CDKAL1: variants seen among roughly 807,000 people sequenced by gnomAD.
The protein encoded by CDKAL1 is CDKAL1 threonylcarbamoyladenosine tRNA methylthiotransferase.
Under a neutral mutation model 68.2 loss-of-function variants are expected in CDKAL1, and 32 were observed. The observed-to-expected ratio is 0.47, with a 90% CI of 0.35 to 0.63. CDKAL1 has a LOEUF of 0.63. Ranked by LOEUF, CDKAL1 falls within the 30% of genes least tolerant of loss-of-function variation. The pLI, the probability that CDKAL1 is intolerant of heterozygous loss-of-function variation, is 0.00. For missense variants in CDKAL1, 606 were observed against 696.7 expected (o/e 0.87, Z 1.47); for synonymous variants, 234 against 244.3 (o/e 0.96, Z 0.39).
intron 13 of CDKAL1, among the ~76,000 whole-genome samples, chr6:21,168,257 A>G (rs1388144161): frequency 6.6e-6 from 1 of 152,192 alleles, no homozygotes; most frequent in Non-Finnish European, 1.5e-5. Context: ...CCTCCTCCTG[A>G]GAACCAGATC....
At chr6:21,101,489 A>G (rs893261944) in intron 12 of CDKAL1, among the ~76,000 whole-genome samples, 2 of 152,160 alleles carry the variant, frequency 1.3e-5, no homozygotes, top group African/African-American at 4.8e-5. Context: ...TACATGGCCC[A>G]AGACCAAACA....
intron 9 of CDKAL1, among the ~76,000 whole-genome samples, chr6:20,911,997 T>C (rs1762488267): frequency 6.6e-6 from 1 of 152,180 alleles, no homozygotes; most frequent in African/African-American, 2.4e-5. Context: ...AGATGGGATC[T>C]GACAACTTTC....
intron 8 of CDKAL1, among the ~76,000 whole-genome samples, chr6:20,783,117 A>G (rs943719101): frequency 2.6e-5 from 4 of 152,080 alleles, no homozygotes; most frequent in Admixed American, 6.6e-5. Flanking sequence ...TTTAGTAGAG[A>G]TGGAGTTTCA....
intron 9 of CDKAL1, among the ~76,000 whole-genome samples, chr6:20,937,600 C>G (rs971435582): frequency 1.3e-5 from 2 of 152,212 alleles, no homozygotes; most frequent in African/African-American, 4.8e-5. Context: ...TGGGCCAGGT[C>G]TCCTGTCTTT....
intron 10 of CDKAL1, among the ~76,000 whole-genome samples, chr6:20,984,382 A>G (rs1002624432): frequency 2.0e-5 from 3 of 152,040 alleles, no homozygotes; most frequent in African/African-American, 4.8e-5. Flanking sequence ...GCAGGCAAAA[A>G]TCTCCATGGA....
chr6:20,662,182 C>T (rs975870134), intron 5 of CDKAL1, among the ~76,000 whole-genome samples: 6 of 151,998 alleles, frequency 3.9e-5, no homozygotes, highest in African/African-American at 1.4e-4. Flanking sequence ...TGTTTAATAA[C>T]TGATAATAAG....
Position 20,846,192 on chromosome 6 carries a change from G to A in CDKAL1, c.742+14G>A. The A allele has an allele frequency of 6.8e-7, 1 of 1,473,826 alleles. No homozygotes were observed. Among genetic ancestry groups the A allele is most frequent in the Non-Finnish European group, 9.5e-7 (1 of 1,057,792 alleles). The allele number at this position is 1,473,826 out of a possible 1,614,324, so 91.3% of individuals were successfully genotyped here. On this transcript the variant is annotated intron_variant, in intron 9 of 15. Coordinates refer to ENST00000274695, the MANE Select transcript of CDKAL1 (RefSeq NM_017774.3). The stretch of plus-strand genomic sequence containing the variant: ...AATCTTTTCAAGGTAAGAGTTTCTA[G>A]AATTATATGTGAAATTAGTCTTCTT...
intron 8 of CDKAL1, among the ~76,000 whole-genome samples, chr6:20,802,685 T>G (rs1056268890): frequency 6.6e-6 from 1 of 152,118 alleles, no homozygotes; most frequent in Non-Finnish European, 1.5e-5. Flanking sequence ...TAAAAATGCT[T>G]TGAGTCACAG....
chr6:20,776,081 C>T (rs1199402678), intron 7 of CDKAL1, among the ~76,000 whole-genome samples: 1 of 151,890 alleles, frequency 6.6e-6, no homozygotes, highest in South Asian at 2.1e-4. Flanking sequence ...TACCATCAGG[C>T]AGAGATACTT....
intron 12 of CDKAL1, among the ~76,000 whole-genome samples, chr6:21,096,187 G>T (rs946310045): frequency 6.6e-6 from 1 of 152,178 alleles, no homozygotes; most frequent in East Asian, 1.9e-4. Context: ...TTCAAATGGG[G>T]TGACACCAGG....
intron 4 of CDKAL1, among the ~76,000 whole-genome samples, chr6:20,583,402 A>G (rs1000846056): frequency 6.6e-6 from 1 of 152,236 alleles, no homozygotes; most frequent in African/African-American, 2.4e-5. Context: ...AGATTCTACC[A>G]AATTGACTTT....
chr6:20,542,523 T>A (rs1025651168), intron 2 of CDKAL1, among the ~76,000 whole-genome samples: 1 of 152,228 alleles, frequency 6.6e-6, no homozygotes, highest in African/African-American at 2.4e-5. Context: ...TTGCCTTGTG[T>A]CTGGATATAG....
intron 4 of CDKAL1, among the ~76,000 whole-genome samples, chr6:20,591,927 T>G (rs1340480632): frequency 2.0e-5 from 3 of 152,230 alleles, no homozygotes; most frequent in Non-Finnish European, 4.4e-5. Flanking sequence ...GGTAGCTTGA[T>G]GGAGATAGCA....
chr6:21,052,033 C>G (rs1317129839), intron 11 of CDKAL1, among the ~76,000 whole-genome samples: 2 of 152,178 alleles, frequency 1.3e-5, no homozygotes, highest in African/African-American at 4.8e-5. Context: ...CTTAGTCACT[C>G]ATTATGGCTT....
chr6:20,808,078 A>T (rs1334354212), intron 8 of CDKAL1, among the ~76,000 whole-genome samples: 3 of 152,236 alleles, frequency 2.0e-5, no homozygotes, highest in African/African-American at 4.8e-5. Context: ...GCCATTACTT[A>T]TCTGTGTGAA....
At position 20,846,166 on chromosome 6, in the gene CDKAL1, C is replaced by T; in HGVS notation, c.730C>T (p.Gln244Ter). The change falls in exon 9 of 16, where the codon CAA becomes TAA. Residue 244 changes from glutamine (Q) to a stop codon, truncating the protein, a stop_gained. Coordinates refer to ENST00000274695, the MANE Select transcript of CDKAL1 (RefSeq NM_017774.3). LOFTEE classifies it high-confidence loss of function. ...TGATGAACTAGTAGATAGAGCCAAACAATCTTTTCAAGGTAAGAGTTTCTA... is the reference window on the plus strand; with the variant it reads ...TGATGAACTAGTAGATAGAGCCAAATAATCTTTTCAAGGTAAGAGTTTCTA... ...PIDELVDRAK[Q>*]SFQEGVCEIW... The T allele has an allele frequency of 6.3e-7, 1 of 1,595,594 alleles. No homozygotes were observed. Among genetic ancestry groups the T allele is most frequent in the Non-Finnish European group, 8.6e-7 (1 of 1,165,244 alleles).
chr6:20,868,306 A>T (rs894498529), intron 9 of CDKAL1, among the ~76,000 whole-genome samples: 2 of 152,168 alleles, frequency 1.3e-5, no homozygotes, highest in Non-Finnish European at 2.9e-5. Context: ...CATTGATAAC[A>T]CTAAATTTTC....
At chr6:21,014,493 C>A (rs1157717696) in intron 11 of CDKAL1, among the ~76,000 whole-genome samples, 1 of 152,000 alleles carries the variant, frequency 6.6e-6, no homozygotes, top group East Asian at 1.9e-4. Flanking sequence ...TGCCTGTAGT[C>A]CCGGCTACTC....
At chr6:21,197,199 A>G (rs537399910) in intron 13 of CDKAL1, among the ~76,000 whole-genome samples, 1 of 152,130 alleles carries the variant, frequency 6.6e-6, no homozygotes, top group Admixed American at 6.5e-5. Flanking sequence ...TGATACCTTA[A>G]GTGCTGCATT....
Sources: allele counts gnomAD v4.1 joint callset (sites outside exome capture counted in the v4.1 genomes callset), GRCh38; gene constraint gnomAD v4.1.1; transcripts MANE v1.5; gene names NCBI Gene and HGNC (gene_info 2026-07-23, HGNC 2026-07-21).